Variants in PRKG1 observed in about 807,000 individuals in gnomAD.
PRKG1 encodes the protein cGMP-dependent protein kinase 1.
Under a neutral mutation model 88.1 loss-of-function variants are expected in PRKG1, and 35 were observed. The observed-to-expected ratio is 0.40, with a 90% CI of 0.30 to 0.53. The LOEUF is 0.53. PRKG1 is among the 20% of genes least tolerant of loss of function. PRKG1 has a pLI of 0.59. For missense variants in PRKG1, 540 were observed against 839.8 expected (o/e 0.64, Z 4.41); for synonymous variants, 303 against 292.5 (o/e 1.04, Z -0.37).
At chr10:51,540,544 A>C (rs1842274258) in intron 3 of PRKG1, among the ~76,000 whole-genome samples, 1 of 152,198 alleles carries the variant, frequency 6.6e-6, no homozygotes, top group African/African-American at 2.4e-5. Flanking sequence ...TAAATAATAT[A>C]CATATAATTA....
In PRKG1 at chr10:52,198,813, AGTGT is replaced by A. The variant is rs3031003; in HGVS notation, c.1076+36868_1076+36871del. ...TCTTTACCTTTCCTTTTGGGGTGTGAGTGTGTGTGTGTGTGTGTGTGCATGTGTG... is the reference window on the plus strand; with the variant it reads ...TCTTTACCTTTCCTTTTGGGGTGTGAGTGTGTGTGTGTGTGTGCATGTGTG... On this transcript the variant is annotated intron_variant, in intron 9 of 17. Transcript: ENST00000373980. Among the ~76,000 whole-genome samples the A allele has an allele frequency of 2.4e-3, 354 of 148,890 alleles. 3 individuals carry two copies. The highest frequency in any genetic ancestry group is 0.01 in the South Asian group (48 of 4,674).
intron 4 of PRKG1, among the ~76,000 whole-genome samples, chr10:51,880,849 T>G (rs1841419042): frequency 6.6e-6 from 1 of 152,206 alleles, no homozygotes; most frequent in South Asian, 2.1e-4. Context: ...AATTAAGTAT[T>G]GAGTATCTTT....
In PRKG1 at chr10:51,851,333, A is replaced by C. The variant is rs2132806907; in HGVS notation, c.698+46643A>C. 2.6e-5 allele frequency among the ~76,000 whole-genome samples: 4 copies of C among 152,288 alleles called. 1 individual carries two copies. In the South Asian group the frequency reaches 8.3e-4, roughly 32 times the overall value. On this transcript the variant is annotated intron_variant, in intron 4 of 17. Coordinates refer to ENST00000373980, the MANE Select transcript of PRKG1 (RefSeq NM_006258.4). ...TCTTGAGATATTTTTCGTTATTACA[A>C]GTGGAGTTTGTGGGTGGGGTTGTTG...
chr10:51,160,321 T>C (rs564097630), intron 2 of PRKG1, among the ~76,000 whole-genome samples: 23 of 152,312 alleles, frequency 1.5e-4, no homozygotes, highest in Non-Finnish European at 2.8e-4. Context: ...TTATTGATAC[T>C]TTCTGCTATT....
intron 2 of PRKG1, among the ~76,000 whole-genome samples, chr10:51,204,909 T>C (rs1022117639): frequency 6.6e-6 from 1 of 152,090 alleles, no homozygotes; most frequent in Non-Finnish European, 1.5e-5. Flanking sequence ...GCAAATGCAC[T>C]GTATGACTCA....
intron 2 of PRKG1, among the ~76,000 whole-genome samples, chr10:51,182,646 G>C (rs1837377940): frequency 6.6e-6 from 1 of 152,158 alleles, no homozygotes; most frequent in South Asian, 2.1e-4. Context: ...GGTTATGGCA[G>C]GTAATATAGA....
At chr10:51,424,654 T>TAAGTTACATG (rs879763910) in intron 2 of PRKG1, among the ~76,000 whole-genome samples, 2 of 152,150 alleles carry the variant, frequency 1.3e-5, no homozygotes, top group Non-Finnish European at 2.9e-5. Context: ...ACATGACCCC[T>TAAGTTACATG]ACTAAGATTT....
intron 3 of PRKG1, among the ~76,000 whole-genome samples, chr10:51,477,213 C>T (rs1022385496): frequency 5.3e-5 from 8 of 151,500 alleles, no homozygotes; most frequent in African/African-American, 1.9e-4. Context: ...TACTGCTGAA[C>T]TCTCTGGGGA....
chr10:51,080,124 C>A (rs536874478), intron 1 of PRKG1, among the ~76,000 whole-genome samples: 1 of 152,182 alleles, frequency 6.6e-6, no homozygotes, highest in East Asian at 1.9e-4. Context: ...ACAGTTTATG[C>A]AGTAGAAATG....
intron 5 of PRKG1, among the ~76,000 whole-genome samples, chr10:51,962,792 T>C (rs1589460745): frequency 6.6e-6 from 1 of 152,216 alleles, no homozygotes; most frequent in African/African-American, 2.4e-5. Flanking sequence ...AGCACTAATG[T>C]CCCTACCAAT....
intron 2 of PRKG1, among the ~76,000 whole-genome samples, chr10:51,262,630 T>C (rs111813076): frequency 0.021 from 3,133 of 152,308 alleles, 43 homozygotes; most frequent in Middle Eastern, 0.044. Context: ...GGGTCGTTTA[T>C]AAAGAAAAGA....
intron 2 of PRKG1, among the ~76,000 whole-genome samples, chr10:51,172,640 GTATGTATGTATCTATC>G (rs1223065228): frequency 0.029 from 2,634 of 92,370 alleles, 37 homozygotes; most frequent in Middle Eastern, 0.05. Flanking sequence ...ATGTATGTAT[GTATGTATGTATCTATC>G]TATCTATCTA....
At chr10:51,071,340 A>G (rs907471102), upstream of PRKG1, among the ~76,000 whole-genome samples, 6 of 152,246 alleles carry the variant, frequency 3.9e-5, no homozygotes, top group Non-Finnish European at 8.8e-5. Context: ...TTTAAAAATG[A>G]AAGAGAAAAG....
At position 52,295,409 on chromosome 10, in the gene PRKG1, A is replaced by C. The variant is rs1187839204; in HGVS notation, c.*1509A>C. The stretch of plus-strand genomic sequence containing the variant: ...ACTACCTAAAAAAGACTAGATTTGA[A>C]AATGTCAAGCTGATTTACTTTATTC... On this transcript the variant is annotated 3_prime_UTR_variant, in exon 18 of 18. Coordinates refer to ENST00000373980, the MANE Select transcript of PRKG1 (RefSeq NM_006258.4). The C allele has an allele frequency of 6.6e-6, 1 of 152,104 alleles. No homozygotes were observed. The highest frequency in any genetic ancestry group is 6.6e-5 in the Admixed American group (1 of 15,244). 9.4% of individuals were successfully genotyped at this position (152,104 alleles called of 1,614,324 possible).
At chr10:51,422,955 A>G (rs1838458542) in intron 2 of PRKG1, among the ~76,000 whole-genome samples, 1 of 135,074 alleles carries the variant, frequency 7.4e-6, no homozygotes, top group Non-Finnish European at 1.7e-5. Flanking sequence ...ATCTCCATTG[A>G]AATAGGTTTT....
At chr10:52,135,135 T>G (rs191525970) in intron 8 of PRKG1, among the ~76,000 whole-genome samples, 2 of 152,056 alleles carry the variant, frequency 1.3e-5, no homozygotes, top group African/African-American at 4.8e-5. Context: ...CAGAATAAAA[T>G]TTTAAGGGAA....
intron 5 of PRKG1, among the ~76,000 whole-genome samples, chr10:51,919,599 T>C (rs1055331232): frequency 3.9e-5 from 6 of 152,022 alleles, no homozygotes; most frequent in Non-Finnish European, 1.5e-5. Flanking sequence ...TTGCTAGGCA[T>C]GAGAGTGTTG....
At chr10:51,952,725 G>A (rs1250132433) in intron 5 of PRKG1, among the ~76,000 whole-genome samples, 2 of 152,124 alleles carry the variant, frequency 1.3e-5, no homozygotes, top group Non-Finnish European at 2.9e-5. Context: ...ATGAATATGA[G>A]TTCCAACCCT....
intron 4 of PRKG1, among the ~76,000 whole-genome samples, chr10:51,871,832 G>A (rs979488723): frequency 6.6e-6 from 1 of 152,154 alleles, no homozygotes; most frequent in African/African-American, 2.4e-5. Flanking sequence ...TCTTGCTGCA[G>A]GGGGTGGATG....
Sources: gnomAD v4.1 joint callset for allele counts (sites outside exome capture counted in the v4.1 genomes callset) on GRCh38, gnomAD v4.1.1 for gene constraint, MANE v1.5 for transcripts, NCBI Gene and HGNC (gene_info 2026-07-23, HGNC 2026-07-21) for gene names.